TRIM2: variants seen among roughly 807,000 people sequenced by gnomAD.
TRIM2 encodes tripartite motif containing 2, also known as tripartite motif-containing protein 2.
TRIM2 carries 20 observed loss-of-function variants against 75.2 expected under a neutral mutation model. That is an observed-to-expected ratio of 0.27 (90% CI 0.19 to 0.39). TRIM2 has a LOEUF of 0.39. Ranked by LOEUF, TRIM2 falls within the 10% of genes least tolerant of loss-of-function variation. The pLI is 1.00. For missense variants in TRIM2, 660 were observed against 990.8 expected (o/e 0.67, Z 4.48); for synonymous variants, 373 against 388.3 (o/e 0.96, Z 0.46).
At chr4:153,287,596 ATTTTTC>A (rs1276410648) in intron 3 of TRIM2, among the ~76,000 whole-genome samples, 2 of 151,080 alleles carry the variant, frequency 1.3e-5, no homozygotes, top group East Asian at 3.9e-4. Flanking sequence ...ACATATTTTT[ATTTTTC>A]TTTATTGTTT....
chr4:153,177,707 CTCCT>C (rs60499669), intron 1 of TRIM2, among the ~76,000 whole-genome samples: 6,143 of 133,910 alleles, frequency 0.046, 185 homozygotes, highest in African/African-American at 0.066. Flanking sequence ...TGGTGGCTCG[CTCCT>C]TCCTTCCTTC....
chr4:153,288,642 A>C (rs1761189039), intron 3 of TRIM2, among the ~76,000 whole-genome samples: 1 of 152,020 alleles, frequency 6.6e-6, no homozygotes, highest in Non-Finnish European at 1.5e-5. Context: ...AAATTTGGGA[A>C]GTTTCCAGCC....
At chr4:153,308,738 A>G (rs867523535) in intron 6 of TRIM2, 8 of 542,952 alleles carry the variant, frequency 1.5e-5, no homozygotes, top group African/African-American at 3.8e-5. Context: ...CTGAGCTTGC[A>G]CAGGATTTCA....
chr4:153,262,048 TTGGCAAGCCCCCA>T (rs748182909), intron 1 of TRIM2, among the ~76,000 whole-genome samples: 1 of 152,226 alleles, frequency 6.6e-6, no homozygotes, highest in Non-Finnish European at 1.5e-5. Context: ...CTCTGTTTAG[TTGGCAAGCCCCCA>T]TTAATAAGGG....
intron 1 of TRIM2, among the ~76,000 whole-genome samples, chr4:153,258,255 T>C (rs1752562818): frequency 6.6e-6 from 1 of 152,164 alleles, no homozygotes; most frequent in African/African-American, 2.4e-5. Context: ...GACTCGACCC[T>C]CCGAATTCTG....
chr4:153,336,106 A>G lies in TRIM2; in HGVS notation c.*1140A>G. 1.0e-6 allele frequency: 1 copy of G among 974,086 alleles called. No individual in the cohort carries two copies. The highest frequency in any genetic ancestry group is 1.2e-6 in the Non-Finnish European group (1 of 824,484). 60.3% of individuals were successfully genotyped at this position (974,086 alleles called of 1,614,324 possible). A position where few individuals can be genotyped will look rare whatever the true frequency, so the allele number is the denominator to read the frequency against. On this transcript the variant is annotated 3_prime_UTR_variant, in exon 12 of 12. Coordinates refer to ENST00000338700, the MANE Select transcript of TRIM2 (RefSeq NM_015271.5). ...ACTATGTATACATGATTAGGGTAAGATAGAATGTATTATATATATATATAT... is the reference window on the plus strand; with the variant it reads ...ACTATGTATACATGATTAGGGTAAGGTAGAATGTATTATATATATATATAT...
chr4:153,285,760 C>CGTGTGT (rs34272004), intron 3 of TRIM2, among the ~76,000 whole-genome samples: 3 of 150,262 alleles, frequency 2.0e-5, no homozygotes, highest in Non-Finnish European at 3.0e-5. Context: ...AATGTGTGTG[C>CGTGTGT]GTGTGTGTGT....
intron 1 of TRIM2, among the ~76,000 whole-genome samples, chr4:153,213,304 G>A (rs1737577257): frequency 6.6e-6 from 1 of 152,022 alleles, no homozygotes; most frequent in Non-Finnish European, 1.5e-5. Flanking sequence ...ATATTCTTTT[G>A]CATGAATGTG....
chr4:153,188,280 TG>T (rs1579403096), intron 1 of TRIM2, among the ~76,000 whole-genome samples: 1 of 152,214 alleles, frequency 6.6e-6, no homozygotes, highest in East Asian at 1.9e-4. Flanking sequence ...GGCAACATGG[TG>T]AAACGCCTTC....
At chr4:153,319,736 A>AT (rs1768508449) in intron 8 of TRIM2, among the ~76,000 whole-genome samples, 2 of 151,854 alleles carry the variant, frequency 1.3e-5, no homozygotes, top group Non-Finnish European at 2.9e-5. Flanking sequence ...GTCTCAAAAA[A>AT]AAAATATATA....
intron 1 of TRIM2, among the ~76,000 whole-genome samples, chr4:153,174,547 A>T (rs1408206039): frequency 6.6e-6 from 1 of 152,180 alleles, no homozygotes; most frequent in Non-Finnish European, 1.5e-5. Flanking sequence ...GCCCTTTCCC[A>T]GGGCTGCGGC....
At position 153,294,358 on chromosome 4, in the gene TRIM2, T is replaced by C. The variant is rs759938444; in HGVS notation, c.659T>C (p.Leu220Ser). Residue 220 changes from leucine (L) to serine (S), a missense_variant, in exon 5 of 12, where the codon TTA (leucine) becomes TCA (serine). Transcript: ENST00000338700. ...TTCATCTCTGAAATCATTCATCAGT[T>C]AACCAACCAAAAGGCCAGCATCGTG... is the stretch of plus-strand genomic sequence containing the variant. ...LQFISEIIHQ[L>S]TNQKASIVDD... is the part of the protein sequence containing the mutation. The C allele has an allele frequency of 1.2e-6, 2 of 1,614,062 alleles. No homozygotes were observed. The highest frequency in any genetic ancestry group is 1.7e-6 in the Non-Finnish European group (2 of 1,180,032).
chr4:153,203,673 C>T (rs1734702935), upstream of TRIM2, among the ~76,000 whole-genome samples: 1 of 151,968 alleles, frequency 6.6e-6, no homozygotes, highest in East Asian at 1.9e-4. Context: ...GGGCGGATCA[C>T]TTGAAGCCAG....
chr4:153,207,618 T>C (rs2149697656), intron 1 of TRIM2, among the ~76,000 whole-genome samples: 2 of 152,302 alleles, frequency 1.3e-5, no homozygotes, highest in Middle Eastern at 3.4e-3. Flanking sequence ...CTAACGACAG[T>C]CCTAAATACC....
chr4:153,276,124 T>C lies in TRIM2; in HGVS notation c.447T>C (p.Asp149=). The change falls in exon 3 of 12, where the codon GAT becomes GAC. Residue 149 remains aspartate (D), a synonymous_variant. Coordinates refer to ENST00000338700, the MANE Select transcript of TRIM2 (RefSeq NM_015271.5). ...AGCCTCTCTCTTGCCCAAACCACGA[T>C]GGGAATGTAAGTGGCTGGGATGGCA... The part of the protein sequence containing the change: ...AGKPLSCPNH[D]GNVMEFYCQS... The C allele has an allele frequency of 2.5e-6, 4 of 1,614,004 alleles. No homozygotes were observed. The highest frequency in any genetic ancestry group is 3.4e-6 in the Non-Finnish European group (4 of 1,179,874).
rs190876515 is a variant in TRIM2, at chr4:153,173,280, G to A, written c.-49+20010G>A. Among the ~76,000 whole-genome samples, 372 of 152,166 alleles carry A rather than the reference G, an allele frequency of 2.4e-3. 4 individuals carry two copies. Among genetic ancestry groups the A allele is most frequent in the Non-Finnish European group, 2.0e-3 (134 of 68,000 alleles). ...AGTGGCTCACGCCTGTAATCCCAAC[G>A]CTTTGGGGTCTGGAGGATTGCTTGA... On this transcript the variant is annotated intron_variant, in intron 1 of 11. Coordinates refer to the TRIM2 transcript ENST00000437508.
At chr4:153,186,463 C>G (rs1466161555) in intron 1 of TRIM2, among the ~76,000 whole-genome samples, 1 of 152,144 alleles carries the variant, frequency 6.6e-6, no homozygotes, top group Non-Finnish European at 1.5e-5. Context: ...CAGGTAAATA[C>G]TTAAAACTTT....
At chr4:153,244,173 T>TCTTCTGCTTCTGCTTCTG (rs1747598525) in intron 1 of TRIM2, among the ~76,000 whole-genome samples, 1 of 140,058 alleles carries the variant, frequency 7.1e-6, no homozygotes, top group Admixed American at 6.9e-5. Flanking sequence ...TTCTTCTTCT[T>TCTTCTGCTTCTGCTTCTG]CTTCTTCTCC....
intron 1 of TRIM2, among the ~76,000 whole-genome samples, chr4:153,180,954 G>A (rs930964166): frequency 1.8e-4 from 27 of 152,218 alleles, no homozygotes; most frequent in African/African-American, 6.3e-4. Context: ...CCCTCAAAGA[G>A]ATTGCCTATA....
Sources: gnomAD v4.1 joint callset for allele counts (sites outside exome capture counted in the v4.1 genomes callset) on GRCh38, gnomAD v4.1.1 for gene constraint, MANE v1.5 for transcripts, NCBI Gene and HGNC (gene_info 2026-07-23, HGNC 2026-07-21) for gene names.